NIPBL: variants seen among roughly 807,000 people sequenced by gnomAD.
NIPBL encodes the protein nipped-B-like protein.
NIPBL carries 19 observed loss-of-function variants against 321.8 expected under a neutral mutation model. That is an observed-to-expected ratio of 0.06 (90% CI 0.04 to 0.09). The LOEUF (loss-of-function observed/expected upper bound fraction) is 0.09. NIPBL is among the 10% of genes least tolerant of loss of function. NIPBL has a pLI of 1.00. For missense variants in NIPBL, 2,210 were observed against 3,327.0 expected (o/e 0.66, Z 8.26); for synonymous variants, 1,106 against 1,114.1 (o/e 0.99, Z 0.14).
chr5:37,030,669 T>G (rs1750894903), intron 32 of NIPBL, among the ~76,000 whole-genome samples: 1 of 152,212 alleles, frequency 6.6e-6, no homozygotes, highest in Admixed American at 6.5e-5. Flanking sequence ...TTGAATTTTT[T>G]TTTAGGGAAA....
chr5:36,997,287 A>G (rs1023229117), intron 11 of NIPBL, among the ~76,000 whole-genome samples: 1 of 152,156 alleles, frequency 6.6e-6, no homozygotes, highest in Middle Eastern at 3.2e-3. Flanking sequence ...TTTGATTTCA[A>G]ATGACATTTC....
At chr5:36,965,546 G>A (rs917382234) in intron 6 of NIPBL, among the ~76,000 whole-genome samples, 13 of 152,174 alleles carry the variant, frequency 8.5e-5, no homozygotes, top group African/African-American at 2.9e-4. Flanking sequence ...AAGAGAGCTT[G>A]ATTAATGGGG....
At position 37,041,265 on chromosome 5, in the gene NIPBL, T is replaced by TG. The variant is rs1395679280; in HGVS notation, c.6108+2527_6108+2528insG. On this transcript the variant is annotated intron_variant, in intron 34 of 46. Coordinates refer to ENST00000282516, the MANE Select transcript of NIPBL (RefSeq NM_133433.4). ...TGTTATGTGGTGGTTTTTTTTTTTT[T>TG]TTTTTTTTTTTTTTTTGAGACTGAG... Among the ~76,000 whole-genome samples the TG allele has an allele frequency of 3.3e-4, 42 of 126,144 alleles. 1 individual carries two copies. The highest frequency in any genetic ancestry group is 1.2e-3 in the African/African-American group (37 of 30,968). 82.8% of individuals were successfully genotyped at this position (126,144 alleles called of 152,430 possible).
intron 23 of NIPBL, 29 bp from the exon 24 acceptor site, chr5:37,016,990 A>T (rs761239246): frequency 7.7e-6 from 11 of 1,434,466 alleles, no homozygotes; most frequent in Non-Finnish European, 1.1e-5. Flanking sequence ...TTATAAATCT[A>T]TTCAATCAAA....
intron 34 of NIPBL, among the ~76,000 whole-genome samples, 175 bp from the exon 35 acceptor site, chr5:37,044,172 C>T (rs1315293165): frequency 6.6e-6 from 1 of 151,920 alleles, no homozygotes; most frequent in African/African-American, 2.4e-5. Flanking sequence ...GTACATATTC[C>T]TGACATGCTG....
chr5:36,978,974 T>C (rs1426240025), intron 9 of NIPBL, among the ~76,000 whole-genome samples: 2 of 152,088 alleles, frequency 1.3e-5, no homozygotes, highest in African/African-American at 2.4e-5. Context: ...AGTACCATGC[T>C]GTTTTGCTTA....
At chr5:37,033,731 T>TATATATATATA (rs1491233297) in intron 32 of NIPBL, among the ~76,000 whole-genome samples, 1 of 38,244 alleles carries the variant, frequency 2.6e-5, no homozygotes, top group African/African-American at 9.1e-5. Flanking sequence ...TATATATATA[T>TATATATATATA]TTTTTTTTTT....
intron 6 of NIPBL, among the ~76,000 whole-genome samples, chr5:36,963,799 A>C (rs531645862): frequency 1.2e-3 from 189 of 152,292 alleles, no homozygotes; most frequent in Non-Finnish European, 2.1e-3. Flanking sequence ...AAGAAAAGAA[A>C]TAGACACTTA....
intron 34 of NIPBL, among the ~76,000 whole-genome samples, chr5:37,043,847 G>A (rs1044340448): frequency 6.6e-6 from 1 of 152,340 alleles, no homozygotes; most frequent in East Asian, 1.9e-4. Context: ...ATTGCAGGTT[G>A]TTAAGCAGCA....
chr5:37,058,757 AGTT>A (rs1293022545), intron 43 of NIPBL, 131 bp from the exon 44 acceptor site: 6 of 695,460 alleles, frequency 8.6e-6, no homozygotes, highest in African/African-American at 7.2e-5. Context: ...TTACATATCC[AGTT>A]GTTGATATAA....
At chr5:36,983,668 G>A (rs911921655) in intron 9 of NIPBL, among the ~76,000 whole-genome samples, 1 of 151,946 alleles carries the variant, frequency 6.6e-6, no homozygotes, top group Non-Finnish European at 1.5e-5. Context: ...GTGCTATAAT[G>A]TAACCATTCC....
At chr5:37,057,436 A>G in intron 43 of NIPBL, 104 bp downstream of exon 43, 2 of 1,173,032 alleles carry the variant, frequency 1.7e-6, no homozygotes, top group Non-Finnish European at 2.5e-6. Flanking sequence ...TCACGAGTAT[A>G]TAAAATCTTT....
At chr5:36,933,709 C>T (rs763517017) in intron 1 of NIPBL, among the ~76,000 whole-genome samples, 4 of 151,988 alleles carry the variant, frequency 2.6e-5, no homozygotes, top group Non-Finnish European at 5.9e-5. Flanking sequence ...CCATTTAATT[C>T]GGTAGCAGTA....
intron 15 of NIPBL, 121 bp from the exon 16 acceptor site, chr5:37,003,140 C>G (rs1229428973): frequency 3.0e-6 from 2 of 667,602 alleles, no homozygotes; most frequent in Admixed American, 2.4e-5. Context: ...TTTTCTTACT[C>G]TTTAAGAGGG....
chr5:36,984,344 C>T (rs1241896513), intron 9 of NIPBL, among the ~76,000 whole-genome samples: 3 of 151,798 alleles, frequency 2.0e-5, no homozygotes, highest in Non-Finnish European at 4.4e-5. Flanking sequence ...CTGATTTATC[C>T]GTGACATCTA....
chr5:36,951,628 CTA>C (rs1279705327), intron 1 of NIPBL, among the ~76,000 whole-genome samples: 2 of 152,130 alleles, frequency 1.3e-5, no homozygotes, highest in African/African-American at 4.8e-5. Flanking sequence ...TGACTACTAA[CTA>C]TGCAGTGTTG....
At chr5:37,007,577 AT>A (rs1347245328) in intron 18 of NIPBL, 103 bp downstream of exon 18, 6 of 792,470 alleles carry the variant, frequency 7.6e-6, no homozygotes, top group Non-Finnish European at 1.0e-5. Flanking sequence ...ATTATCAAGA[AT>A]TTTTCCTGTT....
At chr5:37,050,498 A>T (rs999049497) in intron 40 of NIPBL, among the ~76,000 whole-genome samples, 1 of 151,634 alleles carries the variant, frequency 6.6e-6, no homozygotes, top group Non-Finnish European at 1.5e-5. Flanking sequence ...AAAAAAAAAA[A>T]TTCACACAAA....
chr5:36,972,797 T>A (rs1295425006), intron 8 of NIPBL, among the ~76,000 whole-genome samples: 1 of 127,492 alleles, frequency 7.8e-6, no homozygotes, highest in Non-Finnish European at 1.6e-5. Flanking sequence ...TAGTCATTTA[T>A]CAAATCTAAC....
Sources: allele counts gnomAD v4.1 joint callset (sites outside exome capture counted in the v4.1 genomes callset), GRCh38; gene constraint gnomAD v4.1.1; transcripts MANE v1.5; gene names NCBI Gene and HGNC (gene_info 2026-07-23, HGNC 2026-07-21).